RANBP10: variants seen among roughly 807,000 people sequenced by gnomAD.
The protein encoded by RANBP10 is RAN binding protein 10.
In RANBP10, 24 loss-of-function variants were observed where a neutral mutation model predicts 72.8. The observed-to-expected ratio is 0.33, with a 90% confidence interval of 0.24 to 0.46. RANBP10 has a LOEUF of 0.46. Ranked by LOEUF, RANBP10 falls within the 20% of genes least tolerant of loss-of-function variation. The pLI is 1.00. For missense variants in RANBP10, 679 were observed against 817.5 expected (o/e 0.83, Z 2.07); for synonymous variants, 310 against 322.3 (o/e 0.96, Z 0.41).
intron 3 of RANBP10, among the ~76,000 whole-genome samples, chr16:67,753,189 G>C (rs1202174903): frequency 2.0e-5 from 3 of 146,930 alleles, no homozygotes; most frequent in Non-Finnish European, 3.0e-5. Context: ...CTGGGAAACA[G>C]AGAGAAATCT....
intron 4 of RANBP10, among the ~76,000 whole-genome samples, chr16:67,738,294 C>T (rs965484434): frequency 6.6e-6 from 1 of 151,892 alleles, no homozygotes; most frequent in Non-Finnish European, 1.5e-5. Flanking sequence ...CCCACCACCA[C>T]GCCTGGCTAA....
At chr16:67,788,620 G>A (rs1186571193) in intron 2 of RANBP10, among the ~76,000 whole-genome samples, 1 of 151,628 alleles carries the variant, frequency 6.6e-6, no homozygotes, top group Admixed American at 6.6e-5. Flanking sequence ...TTGATCTCCT[G>A]ACCTCGTGAT....
chr16:67,803,659 A>G (rs1439727915), intron 2 of RANBP10, among the ~76,000 whole-genome samples: 1 of 150,208 alleles, frequency 6.7e-6, no homozygotes, highest in African/African-American at 2.4e-5. Context: ...TCAAAAAAAA[A>G]AAAAAAAAAA....
chr16:67,727,113 G>A (rs2053616978), intron 13 of RANBP10, among the ~76,000 whole-genome samples: 1 of 152,194 alleles, frequency 6.6e-6, no homozygotes, highest in Non-Finnish European at 1.5e-5. Context: ...TGGCCAACAT[G>A]GCAAAACCCG....
At chr16:67,806,149 G>C (rs1292248854) in intron 1 of RANBP10, among the ~76,000 whole-genome samples, 153 bp downstream of exon 1, 1 of 152,196 alleles carries the variant, frequency 6.6e-6, no homozygotes, top group Non-Finnish European at 1.5e-5. Flanking sequence ...CCCTCGGCCT[G>C]TTCAGCCTCA....
At chr16:67,746,501 A>C (rs906730212) in intron 3 of RANBP10, among the ~76,000 whole-genome samples, 4 of 152,092 alleles carry the variant, frequency 2.6e-5, no homozygotes, top group African/African-American at 9.7e-5. Flanking sequence ...ATAATAATAA[A>C]TTAGCCAAGT....
chr16:67,764,439 C>T (rs899729937), intron 3 of RANBP10, among the ~76,000 whole-genome samples: 4 of 152,040 alleles, frequency 2.6e-5, no homozygotes, highest in East Asian at 1.9e-4. Flanking sequence ...GCCATTGTAC[C>T]GAGAAGCCAG....
intron 2 of RANBP10, among the ~76,000 whole-genome samples, chr16:67,804,129 A>C (rs964092954): frequency 9.9e-5 from 15 of 152,176 alleles, no homozygotes; most frequent in African/African-American, 3.6e-4. Context: ...CCCTAGGAGA[A>C]AGAAGTTCTG....
Position 67,729,152 on chromosome 16 carries a change from T to C in RANBP10, c.1352+128A>G. ...GATGTCTGGCCCGGTGGGCCAAAAA[T>C]TAGGACTCCAGGCACAGACCTGAGA... is the stretch of plus-strand genomic sequence containing the variant. On this transcript the variant is annotated intron_variant, in intron 10 of 13. Coordinates refer to ENST00000317506, the MANE Select transcript of RANBP10 (RefSeq NM_020850.3). This position sits in a 1 kb window ranked among gnomAD's most constrained non-coding sequence, Gnocchi z 7.1. 6.7e-7 allele frequency: 1 copy of C among 1,491,112 alleles called. No homozygotes were observed. The highest frequency in any genetic ancestry group is 9.0e-7 in the Non-Finnish European group (1 of 1,115,188). 92.4% of individuals were successfully genotyped at this position (1,491,112 alleles called of 1,614,324 possible).
intron 3 of RANBP10, among the ~76,000 whole-genome samples, chr16:67,758,793 G>A (rs751352409): frequency 1.3e-5 from 2 of 152,184 alleles, no homozygotes; most frequent in Non-Finnish European, 2.9e-5. Flanking sequence ...GCTAGTATTT[G>A]GAAGACGAAA....
In RANBP10 at chr16:67,753,071, A is replaced by G. The variant is rs558082398; in HGVS notation, c.401-8616T>C. Among the ~76,000 whole-genome samples, 4 of 151,360 alleles carry G rather than the reference A, an allele frequency of 2.6e-5. No homozygotes were observed. The South Asian group carries it at 8.4e-4, about 32-fold the overall frequency. On this transcript the variant is annotated intron_variant, in intron 3 of 13. Coordinates refer to ENST00000317506, the MANE Select transcript of RANBP10 (RefSeq NM_020850.3). ...CCTGGGCAACATGGTGAGACCCCAT[A>G]CCTACAAAAAAATACAAAAACTAGC...
chr16:67,759,369 T>G (rs938998188), intron 3 of RANBP10, among the ~76,000 whole-genome samples: 3 of 152,180 alleles, frequency 2.0e-5, no homozygotes, highest in Non-Finnish European at 4.4e-5. Context: ...GACCCTCCTG[T>G]GTCATGAGCC....
At chr16:67,763,834 G>A (rs1185680062) in intron 3 of RANBP10, among the ~76,000 whole-genome samples, 3 of 152,132 alleles carry the variant, frequency 2.0e-5, no homozygotes, top group Admixed American at 6.6e-5. Flanking sequence ...AGCTAGGACT[G>A]TAGGCGCACG....
At chr16:67,746,066 G>A (rs911329471) in intron 3 of RANBP10, among the ~76,000 whole-genome samples, 1 of 152,096 alleles carries the variant, frequency 6.6e-6, no homozygotes, top group African/African-American at 2.4e-5. Context: ...TGAGGCAGGA[G>A]AATCACGTGA....
At chr16:67,803,196 T>A (rs2055267812) in intron 2 of RANBP10, among the ~76,000 whole-genome samples, 1 of 152,148 alleles carries the variant, frequency 6.6e-6, no homozygotes, top group South Asian at 2.1e-4. Context: ...CTCCCATAAA[T>A]TTAACTTTCC....
chr16:67,747,363 AT>A (rs1464037971), intron 3 of RANBP10, among the ~76,000 whole-genome samples: 2 of 152,100 alleles, frequency 1.3e-5, no homozygotes, highest in East Asian at 3.9e-4. Flanking sequence ...TTTTTAACTC[AT>A]TTTTTATTGG....
chr16:67,762,533 T>C (rs2054418620), intron 3 of RANBP10: 1 of 152,194 alleles, frequency 6.6e-6, no homozygotes, highest in South Asian at 2.1e-4. Context: ...TTGATGTCTA[T>C]TTCCCCATAT....
Position 67,805,752 on chromosome 16 carries a change from T to C in RANBP10, c.236-213A>G, listed in dbSNP as rs573791389. On this transcript the variant is annotated intron_variant, in intron 1 of 13. Transcript: ENST00000317506. ...AGAACAGCAGTCCTGCCTGAGACAC[T>C]GCCCATACAAACAAAACAAGGGTAG... Among the ~76,000 whole-genome samples, 9 of 152,300 alleles carry C rather than the reference T, an allele frequency of 5.9e-5. No individual in the cohort carries two copies. In the East Asian group the frequency reaches 1.7e-3, roughly 29 times the overall value.
intron 3 of RANBP10, among the ~76,000 whole-genome samples, chr16:67,746,483 A>T (rs1038136605): frequency 1.3e-5 from 2 of 151,794 alleles, no homozygotes; most frequent in Non-Finnish European, 2.9e-5. Context: ...TCCGTCTCAA[A>T]AATAATAATA....
Sources: allele counts gnomAD v4.1 joint callset (sites outside exome capture counted in the v4.1 genomes callset), GRCh38; gene constraint gnomAD v4.1.1; non-coding constraint Gnocchi (gnomAD v3.1); transcripts MANE v1.5; gene names NCBI Gene and HGNC (gene_info 2026-07-23, HGNC 2026-07-21).